The following GLT1D1 variants were observed in gnomAD, a reference collection of about 807,000 sequenced individuals.
The protein encoded by GLT1D1 is glycosyltransferase 1 domain-containing protein 1.
GLT1D1 carries 21 observed loss-of-function variants against 28.7 expected under a neutral mutation model. That is an observed-to-expected ratio of 0.73 (90% confidence interval 0.52 to 1.05). The LOEUF (loss-of-function observed/expected upper bound fraction) is 1.05, where lower values mean the gene tolerates loss of function less well. Among genes scored for constraint, GLT1D1 ranks in the 50% least tolerant of loss-of-function variants. The probability of loss-of-function intolerance (pLI) is 0.00; values close to 1 mark genes in which losing one functional copy is unlikely to be tolerated. For missense variants in GLT1D1, 343 were observed against 330.6 expected (o/e 1.04, Z -0.29); for synonymous variants, 147 against 124.8 (o/e 1.18, Z -1.19).
At chr12:128,982,825 A>G (rs981770121) in intron 7 of GLT1D1, 104 bp from the exon 12 acceptor site, 6 of 1,027,054 alleles carry the variant, frequency 5.8e-6, no homozygotes, top group Non-Finnish European at 8.9e-6. Context: ...CAGGAGGCAG[A>G]CAAGGGCAAG....
intron 1 of GLT1D1, among the ~76,000 whole-genome samples, chr12:128,871,758 G>T (rs372302343): frequency 6.6e-5 from 10 of 152,032 alleles, no homozygotes; most frequent in African/African-American, 2.4e-4. Flanking sequence ...TTTTACTCAT[G>T]ATTTTGTGCA....
intron 4 of GLT1D1, among the ~76,000 whole-genome samples, chr12:128,907,780 T>C (rs1368431909): frequency 3.9e-5 from 6 of 152,198 alleles, no homozygotes; most frequent in Non-Finnish European, 8.8e-5. Context: ...AACGCATCCA[T>C]TCCAGAGCAT....
intron 2 of GLT1D1, among the ~76,000 whole-genome samples, chr12:128,883,417 C>T (rs1957105817): frequency 6.6e-6 from 1 of 150,528 alleles, no homozygotes; most frequent in Non-Finnish European, 1.5e-5. Flanking sequence ...CGGTGAAACC[C>T]CGTCTCTACT....
Position 128,853,486 on chromosome 12 carries a change from A to C in GLT1D1, c.-96A>C. On this transcript the variant is annotated 5_prime_UTR_variant, in exon 1 of 8. Coordinates refer to ENST00000281703, the MANE Select transcript of GLT1D1 (RefSeq NM_144669.3). ...GGGGAGGGGCGGGCGGGACAGACCC[A>C]GCCGCCCCGGCTCCCCCGCCGTCCG... The C allele has an allele frequency of 1.1e-6, 1 of 940,428 alleles. No homozygotes were observed. The highest frequency in any genetic ancestry group is 1.3e-6 in the Non-Finnish European group (1 of 785,852). 58.3% of individuals were successfully genotyped at this position (940,428 alleles called of 1,614,324 possible). A position where few individuals can be genotyped will look rare whatever the true frequency, so the allele number is the denominator to read the frequency against.
Position 128,853,479 on chromosome 12 carries a change from C to G in GLT1D1, c.-103C>G, listed in dbSNP as rs1956116346. The stretch of plus-strand genomic sequence containing the variant: ...CGGCCTCGGGGAGGGGCGGGCGGGA[C>G]AGACCCAGCCGCCCCGGCTCCCCCG... On this transcript the variant is annotated 5_prime_UTR_variant, in exon 1 of 8. Coordinates refer to ENST00000281703, the MANE Select transcript of GLT1D1 (RefSeq NM_144669.3). 4.4e-6 allele frequency: 4 copies of G among 915,564 alleles called. No individual in the cohort carries two copies. Among genetic ancestry groups the G allele is most frequent in the Middle Eastern group, 5.5e-4 (1 of 1,802 alleles). The allele number at this position is 915,564 out of a possible 1,614,324, so 56.7% of individuals were successfully genotyped here.
At chr12:128,882,475 C>T (rs1461631898) in intron 2 of GLT1D1, among the ~76,000 whole-genome samples, 1 of 152,030 alleles carries the variant, frequency 6.6e-6, no homozygotes, top group Non-Finnish European at 1.5e-5. Flanking sequence ...TGGGATTTCA[C>T]TATGTTGGCG....
chr12:128,898,133 C>T (rs1160957761), intron 3 of GLT1D1, among the ~76,000 whole-genome samples: 2 of 151,602 alleles, frequency 1.3e-5, no homozygotes, highest in Non-Finnish European at 1.5e-5. Context: ...TCTTCTTCTT[C>T]CTCTTCCTCT....
At chr12:128,963,496 A>G (rs1174078287) in intron 7 of GLT1D1, among the ~76,000 whole-genome samples, 4 of 152,156 alleles carry the variant, frequency 2.6e-5, no homozygotes. Context: ...AAATACAAAA[A>G]TTAGCCAGGC....
intron 4 of GLT1D1, among the ~76,000 whole-genome samples, chr12:128,924,381 C>T (rs868289387): frequency 2.5e-4 from 38 of 149,648 alleles, no homozygotes; most frequent in East Asian, 9.9e-4. Flanking sequence ...GAGCCGAGAT[C>T]GTGCTGCTGC....
At chr12:128,918,801 C>G (rs1297406204) in intron 4 of GLT1D1, among the ~76,000 whole-genome samples, 2 of 152,198 alleles carry the variant, frequency 1.3e-5, no homozygotes, top group Non-Finnish European at 2.9e-5. Context: ...TTCATAATTT[C>G]CAGTAGGAGA....
rs1421379141 is a variant in GLT1D1 at position 128,945,100 on chromosome 12, A to C, written c.376-226A>C. The C allele has an allele frequency of 4.3e-6, 3 of 699,044 alleles. No individual in the cohort carries two copies. In the African/African-American group the frequency reaches 5.3e-5, roughly 12 times the overall value. The allele number at this position is 699,044 out of a possible 1,614,324, so 43.3% of individuals were successfully genotyped here. The stretch of plus-strand genomic sequence containing the variant: ...GTCCCGGAGCAGGTCCCCGCTGGAA[A>C]GGTGCTTTAGCTCGAAGTATTGAGT... On this transcript the variant is annotated intron_variant, in intron 4 of 7. Transcript: ENST00000281703.
At chr12:128,959,491 A>AGGGGGGGG in intron 7 of GLT1D1, among the ~76,000 whole-genome samples, 1 of 5,572 alleles carries the variant, frequency 1.8e-4, no homozygotes, top group Non-Finnish European at 3.8e-4. Flanking sequence ...GGGGGCTGGC[A>AGGGGGGGG]GGGGGTGGGG....
chr12:128,899,320 G>T, intron 4 of GLT1D1, 33 bp downstream of exon 4: 8 of 1,592,324 alleles, frequency 5.0e-6, no homozygotes, highest in Non-Finnish European at 6.0e-6. Context: ...TATTTTGGTT[G>T]TGCTGATGAA....
chr12:128,927,071 G>T (rs940244128), intron 4 of GLT1D1, 34 bp from the exon 8 acceptor site: 1 of 1,501,414 alleles, frequency 6.7e-7, no homozygotes, highest in Non-Finnish European at 9.0e-7. Flanking sequence ...AAACCCATTT[G>T]AAGTGTTTTT....
chr12:128,881,129 A>C (rs1957023513), intron 2 of GLT1D1, among the ~76,000 whole-genome samples: 1 of 150,060 alleles, frequency 6.7e-6, no homozygotes, highest in Non-Finnish European at 1.5e-5. Context: ...GAGGTTGAGG[A>C]AGGCGAGTGG....
At chr12:128,930,082 A>C (rs1873701488) in intron 4 of GLT1D1, among the ~76,000 whole-genome samples, 1 of 152,234 alleles carries the variant, frequency 6.6e-6, no homozygotes, top group African/African-American at 2.4e-5. Flanking sequence ...GTTAACATAC[A>C]CCCACATATA....
intron 4 of GLT1D1, among the ~76,000 whole-genome samples, chr12:128,940,583 C>A (rs1479573526): frequency 6.6e-6 from 1 of 152,144 alleles, no homozygotes; most frequent in African/African-American, 2.4e-5. Flanking sequence ...AAACTTCTGG[C>A]CTGTCTTTGA....
At chr12:128,891,119 T>A (rs750697347) in intron 3 of GLT1D1, among the ~76,000 whole-genome samples, 42 of 146,240 alleles carry the variant, frequency 2.9e-4, no homozygotes, top group African/African-American at 7.4e-4. Context: ...AAAAAAAAAA[T>A]TTAATTAATT....
At chr12:128,860,335 C>T (rs545067993) in intron 1 of GLT1D1, among the ~76,000 whole-genome samples, 22 of 152,298 alleles carry the variant, frequency 1.4e-4, no homozygotes, top group Non-Finnish European at 2.8e-4. Context: ...TTGGCTGGCA[C>T]CTGTAGTCCC....
Sources: gnomAD v4.1 joint callset for allele counts (sites outside exome capture counted in the v4.1 genomes callset) on GRCh38, gnomAD v4.1.1 for gene constraint, MANE v1.5 for transcripts, NCBI Gene and HGNC (gene_info 2026-07-23, HGNC 2026-07-21) for gene names.